Variants in MYO16 observed in about 807,000 individuals in gnomAD.
MYO16 encodes the protein unconventional myosin-XVI.
MYO16 carries 94 observed loss-of-function variants against 205.3 expected under a neutral mutation model. The observed-to-expected ratio is 0.46, with a 90% confidence interval of 0.39 to 0.54. The LOEUF (loss-of-function observed/expected upper bound fraction) is 0.54. Ranked by LOEUF, MYO16 falls within the 20% of genes least tolerant of loss-of-function variation. The pLI is 0.00. For synonymous variants in MYO16, 988 were observed against 954.0 expected (o/e 1.04, Z -0.66); for missense variants, 2,315 against 2,387.5 (o/e 0.97, Z 0.63).
rs1215449601 is a variant in MYO16 at position 108,735,996 on chromosome 13, T to C, written c.507+8413T>C. ...CCCACTTTTTGATGGGGTTGTTTGT[T>C]TTTTTTCTTGTAAATTTGTTTGAGT... On this transcript the variant is annotated intron_variant, in intron 4 of 34. Coordinates refer to ENST00000457511, the MANE Select transcript of MYO16 (RefSeq NM_001198950.3). Among the ~76,000 whole-genome samples, 10 of 9,600 alleles carry C rather than the reference T, an allele frequency of 1.0e-3. No homozygotes were observed. The East Asian group carries it at 0.02, about 19-fold the overall frequency. The allele number at this position is 9,600 out of a possible 152,430, so 6.3% of individuals were successfully genotyped here. A position where few individuals can be genotyped will look rare whatever the true frequency, so the allele number is the denominator to read the frequency against.
chr13:108,582,188 C>G, the MYO16 span, among the ~76,000 whole-genome samples: 1 of 152,006 alleles, frequency 6.6e-6, no homozygotes, highest in African/African-American at 2.4e-5. Flanking sequence ...ATTTTTGGGA[C>G]CTTCTCTTGA....
At chr13:109,157,908 G>C (rs912560577) in intron 32 of MYO16, among the ~76,000 whole-genome samples, 1 of 152,046 alleles carries the variant, frequency 6.6e-6, no homozygotes, top group Non-Finnish European at 1.5e-5. Context: ...GTCATCTGCC[G>C]TGCTCCATAA....
At chr13:108,548,970 C>T in the MYO16 span, among the ~76,000 whole-genome samples, 5 of 152,004 alleles carry the variant, frequency 3.3e-5, no homozygotes, top group Admixed American at 1.3e-4. Context: ...ATAGATCTAT[C>T]TATAGATATA....
At chr13:109,091,037 T>C (rs555877718) in intron 27 of MYO16, among the ~76,000 whole-genome samples, 4 of 152,308 alleles carry the variant, frequency 2.6e-5, no homozygotes, top group East Asian at 1.9e-4. Flanking sequence ...TGCTGGAAAT[T>C]AGCCCCAAAT....
intron 7 of MYO16, among the ~76,000 whole-genome samples, chr13:108,817,135 A>G (rs933776719): frequency 8.5e-5 from 13 of 152,188 alleles, no homozygotes; most frequent in African/African-American, 3.1e-4. Context: ...TTTTCTGGCA[A>G]TTTCTTATAA....
chr13:108,823,231 G>A lies in MYO16; in HGVS notation c.1050G>A (p.Glu350=), dbSNP rs755637494. 7 of 1,612,718 alleles carry A rather than the reference G, an allele frequency of 4.3e-6. No homozygotes were observed. The highest frequency in any genetic ancestry group is 5.1e-6 in the Non-Finnish European group (6 of 1,179,270). The change falls in exon 9 of 35, where the codon GAG becomes GAA. Residue 350 remains glutamate, a synonymous_variant. Coordinates refer to ENST00000457511, the MANE Select transcript of MYO16 (RefSeq NM_001198950.3). Reference sequence around the variant, plus strand: ...CTGCTTCTACCTTAGCTCAAGAAGAGCCCTATGAAGAGATCATTCACGATC... The same window carrying A: ...CTGCTTCTACCTTAGCTCAAGAAGAACCCTATGAAGAGATCATTCACGATC... ...PLSASTLAQE[E]PYEEIIHDLP...
intron 1 of MYO16, 51 bp downstream of exon 1, chr13:108,629,923 T>C: frequency 6.7e-7 from 1 of 1,491,232 alleles, no homozygotes; most frequent in Non-Finnish European, 9.0e-7. Flanking sequence ...TGTTGAAGTA[T>C]TATTTTGTGC....
At chr13:109,115,196 A>G (rs749647712) in intron 28 of MYO16, among the ~76,000 whole-genome samples, 22 of 144,790 alleles carry the variant, frequency 1.5e-4, no homozygotes, top group Non-Finnish European at 2.7e-4. Context: ...ACTCTAGCAC[A>G]ACCACCGTTC....
In MYO16 at chr13:108,832,674, C is replaced by A. The variant is rs552738335; in HGVS notation, c.1097+9396C>A. Reference sequence around the variant, plus strand: ...AAATTTCTTGTATAGTTTCACTTCACATTAATATATTAAAGAATATTAATG... The same window carrying A: ...AAATTTCTTGTATAGTTTCACTTCAAATTAATATATTAAAGAATATTAATG... On this transcript the variant is annotated intron_variant, in intron 9 of 34. Coordinates refer to ENST00000457511, the MANE Select transcript of MYO16 (RefSeq NM_001198950.3). Among the ~76,000 whole-genome samples the A allele has an allele frequency of 1.3e-3, 204 of 152,178 alleles. 1 individual carries two copies. Among genetic ancestry groups the A allele is most frequent in the Non-Finnish European group, 2.2e-3 (149 of 68,012 alleles).
At chr13:109,013,601 A>G (rs1487737503) in intron 22 of MYO16, among the ~76,000 whole-genome samples, 3 of 152,092 alleles carry the variant, frequency 2.0e-5, no homozygotes, top group Non-Finnish European at 4.4e-5. Context: ...AAGCATTCCT[A>G]TTTCTCCACG....
At chr13:108,666,891 T>C (rs1881756319) in intron 2 of MYO16, among the ~76,000 whole-genome samples, 1 of 152,202 alleles carries the variant, frequency 6.6e-6, no homozygotes, top group Non-Finnish European at 1.5e-5. Context: ...GTGAGATAAA[T>C]GTTCCAGCTC....
At chr13:108,735,329 T>C (rs1432955556) in intron 4 of MYO16, among the ~76,000 whole-genome samples, 2 of 151,082 alleles carry the variant, frequency 1.3e-5, no homozygotes, top group Non-Finnish European at 2.9e-5. Context: ...TTCTCATTGT[T>C]CAATTCCCAC....
chr13:109,157,498 C>T (rs950020547), intron 32 of MYO16, among the ~76,000 whole-genome samples: 1 of 152,176 alleles, frequency 6.6e-6, no homozygotes, highest in African/African-American at 2.4e-5. Context: ...CTTCTTCCTC[C>T]TGCCTACACA....
At chr13:108,805,572 G>C (rs1793774152) in intron 6 of MYO16, among the ~76,000 whole-genome samples, 1 of 151,214 alleles carries the variant, frequency 6.6e-6, no homozygotes, top group African/African-American at 2.4e-5. Flanking sequence ...TTTCTTTTCT[G>C]ATAGTTTCTT....
chr13:108,887,887 C>T (rs1255056441), intron 13 of MYO16, among the ~76,000 whole-genome samples: 1 of 151,864 alleles, frequency 6.6e-6, no homozygotes, highest in Non-Finnish European at 1.5e-5. Flanking sequence ...CTGTAAGGCC[C>T]ATGAAGCATG....
chr13:109,164,261 T>C (rs978114231), intron 32 of MYO16, among the ~76,000 whole-genome samples: 2 of 152,258 alleles, frequency 1.3e-5, no homozygotes, highest in African/African-American at 4.8e-5. Flanking sequence ...AAGCATTTGC[T>C]GTGTTTCACT....
At chr13:108,955,693 A>C (rs905240757) in intron 16 of MYO16, among the ~76,000 whole-genome samples, 1 of 152,158 alleles carries the variant, frequency 6.6e-6, no homozygotes, top group African/African-American at 2.4e-5. Flanking sequence ...TCTACTAAAA[A>C]TACAAAAATT....
rs115821048 is a variant in MYO16 at position 108,805,444 on chromosome 13, C to G, written c.742-1235C>G. Among the ~76,000 whole-genome samples the G allele has an allele frequency of 3.6e-3, 552 of 152,150 alleles. 3 individuals carry two copies. Among genetic ancestry groups the G allele is most frequent in the African/African-American group, 0.012 (519 of 41,538 alleles). On this transcript the variant is annotated intron_variant, in intron 6 of 34. Transcript: ENST00000457511. ...TATCAAAATGTACACATTGAATAAG[C>G]CTTTTTGACTTTAATTTTGTCTTTG...
At chr13:109,205,300 T>G (rs1475930619) in intron 34 of MYO16, among the ~76,000 whole-genome samples, 1 of 152,190 alleles carries the variant, frequency 6.6e-6, no homozygotes, top group East Asian at 1.9e-4. Context: ...GATCCCAGCC[T>G]TTAAAATCCT....
Sources: allele counts gnomAD v4.1 joint callset (sites outside exome capture counted in the v4.1 genomes callset), GRCh38; gene constraint gnomAD v4.1.1; transcripts MANE v1.5; gene names NCBI Gene and HGNC (gene_info 2026-07-23, HGNC 2026-07-21).